LRRIQ3: variants seen among roughly 807,000 people sequenced by gnomAD.
LRRIQ3 encodes leucine rich repeats and IQ motif containing 3, also known as leucine-rich repeat and IQ domain-containing protein 3.
Under a neutral mutation model 59.3 loss-of-function variants are expected in LRRIQ3, and 75 were observed. The observed-to-expected ratio is 1.26, with a 90% CI of 1.05 to 1.53. LRRIQ3 has a LOEUF of 1.53. Ranked by LOEUF, LRRIQ3 falls within the 40% of genes most tolerant of loss-of-function variation. LRRIQ3 has a pLI of 0.00. For synonymous variants in LRRIQ3, 250 were observed against 231.3 expected (o/e 1.08, Z -0.73); for missense variants, 831 against 710.0 (o/e 1.17, Z -1.94).
At chr1:74,049,291 T>A (rs1654293119) in intron 6 of LRRIQ3, among the ~76,000 whole-genome samples, 1 of 152,134 alleles carries the variant, frequency 6.6e-6, no homozygotes, top group Non-Finnish European at 1.5e-5. Flanking sequence ...TGGATTTCAT[T>A]CTGAGATTTG....
intron 6 of LRRIQ3, among the ~76,000 whole-genome samples, chr1:74,071,546 C>G (rs1469737311): frequency 6.6e-6 from 1 of 152,138 alleles, no homozygotes; most frequent in East Asian, 1.9e-4. Flanking sequence ...TAGAAAGCTA[C>G]CCTTGATGTC....
At chr1:74,053,610 G>C (rs918995566) in intron 6 of LRRIQ3, among the ~76,000 whole-genome samples, 1 of 152,026 alleles carries the variant, frequency 6.6e-6, no homozygotes, top group African/African-American at 2.4e-5. Flanking sequence ...GATTGCTTGA[G>C]CCAGAGTTTC....
intron 3 of LRRIQ3, among the ~76,000 whole-genome samples, chr1:74,174,240 G>A (rs1285662428): frequency 6.6e-6 from 1 of 150,910 alleles, no homozygotes; most frequent in Admixed American, 6.6e-5. Context: ...CTCTCTGACT[G>A]GACACTTTCA....
intron 5 of LRRIQ3, among the ~76,000 whole-genome samples, chr1:74,084,515 A>C (rs1051438657): frequency 1.3e-5 from 2 of 151,778 alleles, no homozygotes; most frequent in Admixed American, 1.3e-4. Context: ...TTTCTTGTGA[A>C]ACGAGTGTAT....
chr1:74,122,052 A>C (rs1252978875), intron 4 of LRRIQ3, among the ~76,000 whole-genome samples: 6 of 152,148 alleles, frequency 3.9e-5, no homozygotes, highest in East Asian at 1.9e-4. Context: ...ATACATGTGC[A>C]TGTGTCTTTA....
rs34325293 is a variant in LRRIQ3, at chr1:74,056,146, AAAATAAATAAAT to A, written c.998-14225_998-14214del. On this transcript the variant is annotated intron_variant, in intron 6 of 7. Transcript: ENST00000354431. The stretch of plus-strand genomic sequence containing the variant: ...GGTGACAGAGTGAGAATCTGTCTCA[AAAATAAATAAAT>A]AAATAAATAAATAAATAAATAAATA... Among the ~76,000 whole-genome samples the A allele has an allele frequency of 8.8e-3, 1,253 of 142,654 alleles. 12 individuals carry two copies. The highest frequency in any genetic ancestry group is 0.024 in the African/African-American group (907 of 38,266). The allele number at this position is 142,654 out of a possible 152,430, so 93.6% of individuals were successfully genotyped here. A position where few individuals can be genotyped will look rare whatever the true frequency, so the allele number is the denominator to read the frequency against.
intron 3 of LRRIQ3, among the ~76,000 whole-genome samples, chr1:74,157,715 CT>C (rs937557258): frequency 7.2e-5 from 11 of 152,100 alleles, no homozygotes; most frequent in Admixed American, 6.6e-4. Flanking sequence ...TACTTCTGCA[CT>C]TTAAAAAAAA....
chr1:74,028,251 T>G (rs936084973), intron 7 of LRRIQ3, among the ~76,000 whole-genome samples: 2 of 151,966 alleles, frequency 1.3e-5, no homozygotes, highest in South Asian at 2.1e-4. Flanking sequence ...TACTCAGAAA[T>G]CTGAAGTTGA....
chr1:74,033,161 A>G (rs1432574531), intron 7 of LRRIQ3, among the ~76,000 whole-genome samples: 1 of 152,044 alleles, frequency 6.6e-6, no homozygotes, highest in Non-Finnish European at 1.5e-5. Context: ...GTTGGAGACC[A>G]TAAAATTAAT....
intron 7 of LRRIQ3, among the ~76,000 whole-genome samples, chr1:74,036,067 G>A (rs1222505496): frequency 6.6e-6 from 1 of 152,148 alleles, no homozygotes; most frequent in East Asian, 1.9e-4. Context: ...GCAGGGCAAG[G>A]GAGAATTTAA....
rs1366077763 is a variant in LRRIQ3, at chr1:74,041,338, T to G, written c.1593A>C (p.Gly531=). The change falls in exon 7 of 8, where the codon GGA becomes GGC. Residue 531 remains glycine, a synonymous_variant. Coordinates refer to ENST00000354431, the MANE Select transcript of LRRIQ3 (RefSeq NM_001105659.2). ...TCTCCAGTCTGTCAATTTTAAGTAG[T>G]CCTCTGGTCAAAAGAGTGCGCTCAT... ...LNNERTLLTR[G]LLKIDRLEKN... 1.2e-5 allele frequency: 19 copies of G among 1,613,748 alleles called. No individual in the cohort carries two copies. The highest frequency in any genetic ancestry group is 1.5e-5 in the Non-Finnish European group (18 of 1,179,896).
At chr1:74,040,959 GATA>G (rs1334210879) in intron 7 of LRRIQ3, among the ~76,000 whole-genome samples, 2 of 152,166 alleles carry the variant, frequency 1.3e-5, no homozygotes, top group Non-Finnish European at 1.5e-5. Flanking sequence ...TGCCATTTGT[GATA>G]ATAAGAACAA....
intron 5 of LRRIQ3, among the ~76,000 whole-genome samples, chr1:74,092,663 T>C (rs770813316): frequency 3.9e-4 from 59 of 152,188 alleles, no homozygotes; most frequent in Non-Finnish European, 7.8e-4. Context: ...ATCTGGGTTA[T>C]ATCTAGCCAG....
chr1:74,183,820 T>C (rs1217942598), intron 1 of LRRIQ3, 136 bp from the exon 2 acceptor site: 5 of 644,838 alleles, frequency 7.8e-6, no homozygotes, highest in Admixed American at 3.8e-5. Context: ...CTCATTCTTA[T>C]AGAACTTTCT....
chr1:74,111,512 A>C (rs1352419850), intron 4 of LRRIQ3, among the ~76,000 whole-genome samples: 1 of 152,088 alleles, frequency 6.6e-6, no homozygotes, highest in African/African-American at 2.4e-5. Flanking sequence ...TGAGCAGAAG[A>C]GTGGCTTTGA....
At chr1:74,153,125 A>G (rs1047010544) in intron 4 of LRRIQ3, among the ~76,000 whole-genome samples, 2 of 152,046 alleles carry the variant, frequency 1.3e-5, no homozygotes, top group South Asian at 4.1e-4. Context: ...ACCCATCAAG[A>G]CAACCAATAA....
chr1:74,067,465 CT>C (rs1275202329), intron 6 of LRRIQ3, among the ~76,000 whole-genome samples: 1 of 152,040 alleles, frequency 6.6e-6, no homozygotes, highest in East Asian at 1.9e-4. Flanking sequence ...TTTCAGTGCA[CT>C]TTTTAGTGCT....
At chr1:74,188,718 T>G (rs1212015171) in intron 1 of LRRIQ3, among the ~76,000 whole-genome samples, 1 of 152,138 alleles carries the variant, frequency 6.6e-6, no homozygotes, top group Non-Finnish European at 1.5e-5. Flanking sequence ...GAACTAGAAC[T>G]GAGTCAGGTT....
intron 3 of LRRIQ3, chr1:74,182,070 T>G (rs560784441): frequency 6.6e-6 from 1 of 152,086 alleles, no homozygotes; most frequent in South Asian, 2.1e-4. Flanking sequence ...ATCCGTTAAC[T>G]TGGTATCAAC....
Sources: gnomAD v4.1 joint callset for allele counts (sites outside exome capture counted in the v4.1 genomes callset) on GRCh38, gnomAD v4.1.1 for gene constraint, MANE v1.5 for transcripts, NCBI Gene and HGNC (gene_info 2026-07-23, HGNC 2026-07-21) for gene names.